NAALADL2: variants seen among roughly 807,000 people sequenced by gnomAD.
NAALADL2 encodes the protein N-acetylated alpha-linked acidic dipeptidase like 2, also known as inactive N-acetylated-alpha-linked acidic dipeptidase-like protein 2.
Under a neutral mutation model 87.2 loss-of-function variants are expected in NAALADL2, and 76 were observed. That is an observed-to-expected ratio of 0.87 (90% CI 0.72 to 1.05). NAALADL2 has a LOEUF of 1.05. NAALADL2 is among the 50% of genes least tolerant of loss of function. The pLI is 0.00. For missense variants in NAALADL2, 1,089 were observed against 945.8 expected, an observed-to-expected ratio of 1.15 and a Z score of -1.99; for synonymous variants, 354 against 331.0, an observed-to-expected ratio of 1.07 and a Z score of -0.75.
In NAALADL2 at chr3:174,919,833, G is replaced by T. The variant is rs190503616; in HGVS notation, c.43+60383G>T. Among the ~76,000 whole-genome samples, 355 of 152,260 alleles carry T rather than the reference G, an allele frequency of 2.3e-3. 2 individuals are homozygous for T. The highest frequency in any genetic ancestry group is 8.2e-3 in the African/African-American group (340 of 41,558). On this transcript the variant is annotated intron_variant, in intron 1 of 13. Transcript: ENST00000454872. ...GTTCCTTTAATAATAAAACTTGGGAGTCAAAATTACTCCTTGATCCATATG... is the reference window on the plus strand; with the variant it reads ...GTTCCTTTAATAATAAAACTTGGGATTCAAAATTACTCCTTGATCCATATG...
intron 2 of NAALADL2, among the ~76,000 whole-genome samples, chr3:174,592,279 G>A (rs614586): frequency 0.15 from 23,423 of 151,616 alleles, 1,941 homozygotes; most frequent in Non-Finnish European, 0.18. Context: ...TTAAGTTTTA[G>A]GGTGCATGTG....
chr3:175,510,265 T>A (rs1730979013), intron 9 of NAALADL2, among the ~76,000 whole-genome samples: 1 of 152,074 alleles, frequency 6.6e-6, no homozygotes, highest in Non-Finnish European at 1.5e-5. Flanking sequence ...ACTGCCCCCA[T>A]GATTCAATTA....
At chr3:174,687,485 G>A (rs887593166) in intron 2 of NAALADL2, among the ~76,000 whole-genome samples, 2 of 151,876 alleles carry the variant, frequency 1.3e-5, no homozygotes, top group Non-Finnish European at 2.9e-5. Context: ...ATATACTAGG[G>A]GATCCAAGAA....
chr3:175,671,010 A>G (rs1733934766), intron 11 of NAALADL2, among the ~76,000 whole-genome samples: 1 of 151,668 alleles, frequency 6.6e-6, no homozygotes, highest in Non-Finnish European at 1.5e-5. Flanking sequence ...AAATAATAAT[A>G]ATAAGCAAAA....
chr3:174,785,771 GA>G (rs1227410417), intron 3 of NAALADL2, among the ~76,000 whole-genome samples: 1 of 152,160 alleles, frequency 6.6e-6, no homozygotes, highest in Non-Finnish European at 1.5e-5. Flanking sequence ...TATGCTGTTT[GA>G]AGTATTGAAA....
intron 12 of NAALADL2, among the ~76,000 whole-genome samples, chr3:175,744,551 T>G (rs1745670412): frequency 6.6e-6 from 1 of 152,222 alleles, no homozygotes; most frequent in South Asian, 2.1e-4. Flanking sequence ...TATTTTACCA[T>G]GTCCTGTGTG....
intron 3 of NAALADL2, among the ~76,000 whole-genome samples, chr3:174,798,022 TA>T: frequency 1.0e-5 from 1 of 95,532 alleles, no homozygotes; most frequent in South Asian, 3.5e-4. Flanking sequence ...TATAATCAGT[TA>T]GTTTTTATTT....
intron 2 of NAALADL2, among the ~76,000 whole-genome samples, chr3:174,722,484 CGTG>C (rs1234354465): frequency 6.6e-6 from 1 of 152,142 alleles, no homozygotes; most frequent in East Asian, 1.9e-4. Flanking sequence ...AGGTGGATCA[CGTG>C]GTCAGGAGTT....
At chr3:174,992,197 T>G (rs1282496758) in intron 1 of NAALADL2, among the ~76,000 whole-genome samples, 1 of 152,086 alleles carries the variant, frequency 6.6e-6, no homozygotes, top group Non-Finnish European at 1.5e-5. Context: ...GTTTCTATAT[T>G]TAGTACTCTG....
intron 1 of NAALADL2, among the ~76,000 whole-genome samples, chr3:175,084,910 A>G (rs1718582184): frequency 6.6e-6 from 1 of 152,172 alleles, no homozygotes; most frequent in South Asian, 2.1e-4. Context: ...GTACGTGAGG[A>G]CAGAGTATAG....
chr3:175,266,576 G>C (rs561467970), intron 4 of NAALADL2, among the ~76,000 whole-genome samples: 1 of 151,776 alleles, frequency 6.6e-6, no homozygotes, highest in East Asian at 1.9e-4. Flanking sequence ...CTACCATTCA[G>C]TGAAGAGCTA....
At chr3:174,656,263 A>G (rs545230995) in intron 2 of NAALADL2, among the ~76,000 whole-genome samples, 241 of 152,324 alleles carry the variant, frequency 1.6e-3, no homozygotes, top group African/African-American at 5.7e-3. Context: ...AGATTTCCGC[A>G]AAAGAATTCC....
chr3:175,239,209 G>C (rs914478238), intron 3 of NAALADL2, among the ~76,000 whole-genome samples: 1 of 152,162 alleles, frequency 6.6e-6, no homozygotes, highest in Admixed American at 6.5e-5. Flanking sequence ...GTCCTAAGGA[G>C]AGTTGTCCTG....
chr3:174,611,170 TG>T (rs1416594966), intron 2 of NAALADL2, among the ~76,000 whole-genome samples: 2 of 34,500 alleles, frequency 5.8e-5, no homozygotes, highest in African/African-American at 2.8e-4. Flanking sequence ...TGTTGTGAGG[TG>T]GGGGGAGGGG....
intron 1 of NAALADL2, among the ~76,000 whole-genome samples, chr3:174,978,481 G>A (rs1461046275): frequency 2.6e-5 from 4 of 152,168 alleles, no homozygotes; most frequent in Admixed American, 2.0e-4. Flanking sequence ...ACAGCTAACA[G>A]AATGCCTATC....
At chr3:175,508,765 T>C (rs1730711445) in intron 9 of NAALADL2, among the ~76,000 whole-genome samples, 1 of 151,994 alleles carries the variant, frequency 6.6e-6, no homozygotes, top group Non-Finnish European at 1.5e-5. Context: ...AATTGGTGCT[T>C]TTGGGTCTAT....
chr3:175,014,138 T>C (rs1366108806), intron 1 of NAALADL2, among the ~76,000 whole-genome samples: 3 of 152,072 alleles, frequency 2.0e-5, no homozygotes, highest in Non-Finnish European at 4.4e-5. Context: ...GTCCATATTA[T>C]CTTTCCAACC....
intron 1 of NAALADL2, among the ~76,000 whole-genome samples, chr3:174,497,897 C>T (rs1515587): frequency 0.42 from 63,181 of 151,510 alleles, 14,108 homozygotes; most frequent in East Asian, 0.88. Flanking sequence ...TAAGTGATAT[C>T]TTTGGAATTC....
At chr3:175,633,846 C>T (rs1353312214) in intron 11 of NAALADL2, among the ~76,000 whole-genome samples, 3 of 151,304 alleles carry the variant, frequency 2.0e-5, no homozygotes, top group South Asian at 2.1e-4. Flanking sequence ...GATGGATATA[C>T]GTTTCTTCCT....
Sources: allele counts gnomAD v4.1 joint callset (sites outside exome capture counted in the v4.1 genomes callset), GRCh38; gene constraint gnomAD v4.1.1; transcripts MANE v1.5; gene names NCBI Gene and HGNC (gene_info 2026-07-23, HGNC 2026-07-21).